MTMR6: variants seen among roughly 807,000 people sequenced by gnomAD.
MTMR6 encodes the protein myotubularin related protein 6.
In MTMR6, 47 loss-of-function variants were observed where a neutral mutation model predicts 80.1. That is an observed-to-expected ratio of 0.59 (90% CI 0.46 to 0.75). The LOEUF (loss-of-function observed/expected upper bound fraction) is 0.75, where lower values mean the gene tolerates loss of function less well. Ranked by LOEUF, MTMR6 falls within the 30% of genes least tolerant of loss-of-function variation. The probability of loss-of-function intolerance (pLI) is 0.00; values close to 1 mark genes in which losing one functional copy is unlikely to be tolerated. For synonymous variants in MTMR6, 254 were observed against 253.0 expected, an observed-to-expected ratio of 1.00 and a Z score of -0.04; for missense variants, 629 against 730.9, an observed-to-expected ratio of 0.86 and a Z score of 1.61.
chr13:25,283,318 C>A (rs1324886536), intron 1 of MTMR6, among the ~76,000 whole-genome samples: 1 of 152,170 alleles, frequency 6.6e-6, no homozygotes, highest in Non-Finnish European at 1.5e-5. Context: ...TTTATTAATT[C>A]TCTCAGGGTT....
rs1957034221 is a variant in MTMR6, at chr13:25,249,130, TAA to T, written c.*100_*101del. On this transcript the variant is annotated 3_prime_UTR_variant, in exon 14 of 14. Coordinates refer to ENST00000381801, the MANE Select transcript of MTMR6 (RefSeq NM_004685.5). The stretch of plus-strand genomic sequence containing the variant: ...CAACTATTAGCCTACTGTTAAACCC[TAA>T]AATTGTTATTAGACAAATTCCTTTT... 2 of 1,341,120 alleles carry T rather than the reference TAA, an allele frequency of 1.5e-6. No individual in the cohort carries two copies. Among genetic ancestry groups the T allele is most frequent in the Admixed American group, 4.5e-5 (2 of 44,598 alleles). The allele number at this position is 1,341,120 out of a possible 1,614,324, so 83.1% of individuals were successfully genotyped here. A position where few individuals can be genotyped will look rare whatever the true frequency, so the allele number is the denominator to read the frequency against.
rs922962176 is a variant in MTMR6, at chr13:25,249,198, G to T, written c.*34C>A. On this transcript the variant is annotated 3_prime_UTR_variant, in exon 14 of 14. Coordinates refer to ENST00000381801, the MANE Select transcript of MTMR6 (RefSeq NM_004685.5). ...CCATCCTCACAATAATCCTTTTCTT[G>T]TACTGCAATCATTGCAGAAAAAACT... The T allele has an allele frequency of 6.2e-7, 1 of 1,600,004 alleles. No homozygotes were observed. Among genetic ancestry groups the T allele is most frequent in the Non-Finnish European group, 8.5e-7 (1 of 1,170,948 alleles).
chr13:25,269,532 G>A (rs926171924), intron 2 of MTMR6, among the ~76,000 whole-genome samples: 1 of 151,880 alleles, frequency 6.6e-6, no homozygotes, highest in African/African-American at 2.4e-5. Flanking sequence ...AAGATCATAG[G>A]CTCCTAATCA....
chr13:25,250,164 T>G (rs1381404407), intron 13 of MTMR6, among the ~76,000 whole-genome samples: 1 of 152,176 alleles, frequency 6.6e-6, no homozygotes, highest in Non-Finnish European at 1.5e-5. Flanking sequence ...GAGAGGTAGA[T>G]GAGACAGTCT....
intron 3 of MTMR6, among the ~76,000 whole-genome samples, chr13:25,266,762 T>C (rs1247311709): frequency 6.6e-6 from 1 of 152,172 alleles, no homozygotes; most frequent in African/African-American, 2.4e-5. Flanking sequence ...TTCAGAATCA[T>C]CCTTACTATA....
chr13:25,257,141 G>T, intron 9 of MTMR6, 55 bp downstream of exon 9: 1 of 1,523,366 alleles, frequency 6.6e-7, no homozygotes, highest in South Asian at 1.2e-5. Flanking sequence ...TCCTCTGGAG[G>T]AACATAAAAT....
At chr13:25,286,905 G>A (rs140564568) in intron 1 of MTMR6, among the ~76,000 whole-genome samples, 1 of 152,290 alleles carries the variant, frequency 6.6e-6, no homozygotes, top group Non-Finnish European at 1.5e-5. Context: ...AGACTCCAAA[G>A]TTAAAGGAGC....
rs779160684 is a variant in MTMR6, at chr13:25,265,908, TC to T, written c.501del (p.Ile168Ter). On this transcript the variant is annotated frameshift_variant, in exon 5 of 14. Coordinates refer to ENST00000381801, the MANE Select transcript of MTMR6 (RefSeq NM_004685.5). LOFTEE classifies it high-confidence loss of function. ...ETYPRELYVPRIASKPIIVGS... is the reference protein window; with the variant it reads ...ETYPRELYVPXIASKPIIVGS... ...CCAACAATTATTGGTTTGCTTGCTA[TC>T]CGGGGAACATAAAGTTCTCTGGGGT... is the stretch of plus-strand genomic sequence containing the variant. The T allele has an allele frequency of 1.2e-5, 19 of 1,614,124 alleles. No individual in the cohort carries two copies. The highest frequency in any genetic ancestry group is 1.5e-5 in the Non-Finnish European group (18 of 1,179,962).
chr13:25,287,068 C>G (rs185594115), intron 1 of MTMR6, among the ~76,000 whole-genome samples, 156 bp downstream of exon 1: 34 of 152,294 alleles, frequency 2.2e-4, no homozygotes, highest in Non-Finnish European at 4.3e-4. Context: ...TAACCCTGCC[C>G]TCCCAGACCA....
intron 1 of MTMR6, among the ~76,000 whole-genome samples, chr13:25,277,448 G>C (rs577083445): frequency 6.6e-6 from 1 of 152,304 alleles, no homozygotes; most frequent in Non-Finnish European, 1.5e-5. Context: ...ATAAATGTTT[G>C]TTGAACTAAG....
In MTMR6 at chr13:25,287,389, C is replaced by G; in HGVS notation, c.-142G>C. The G allele has an allele frequency of 8.7e-7, 1 of 1,148,850 alleles. No homozygotes were observed. The highest frequency in any genetic ancestry group is 1.3e-6 in the Non-Finnish European group (1 of 798,292). 71.2% of individuals were successfully genotyped at this position (1,148,850 alleles called of 1,614,324 possible). A position where few individuals can be genotyped will look rare whatever the true frequency, so the allele number is the denominator to read the frequency against. ...GTCTGTCTGCCGGCCCCGGTGGCGT[C>G]AACGGCGCAGGTGCAGCCGGTGAGC... On this transcript the variant is annotated 5_prime_UTR_variant, in exon 1 of 14. Transcript: ENST00000381801.
intron 9 of MTMR6, among the ~76,000 whole-genome samples, chr13:25,255,693 T>G (rs1957188167): frequency 6.6e-6 from 1 of 152,156 alleles, no homozygotes; most frequent in Non-Finnish European, 1.5e-5. Context: ...CCGGCTAATT[T>G]TTGTATTTTT....
intron 10 of MTMR6, 49 bp downstream of exon 10, chr13:25,254,336 C>G (rs768608680): frequency 7.4e-7 from 1 of 1,348,894 alleles, no homozygotes; most frequent in South Asian, 1.2e-5. Context: ...GCATTCTAAA[C>G]TTGGTTTACT....
rs765129815 is a variant in MTMR6, at chr13:25,265,908, T to C, written c.502A>G (p.Ile168Val). The C allele has an allele frequency of 2.5e-5, 40 of 1,614,006 alleles. No homozygotes were observed. Among genetic ancestry groups the C allele is most frequent in the Non-Finnish European group, 3.0e-5 (35 of 1,179,970 alleles). ...CCAACAATTATTGGTTTGCTTGCTA[T>C]CCGGGGAACATAAAGTTCTCTGGGG... ...TYPRELYVPR[I>V]ASKPIIVGSS... is the part of the protein sequence containing the mutation. The change falls in exon 5 of 14, where the codon ATA (isoleucine) becomes GTA (valine). Residue 168 changes from isoleucine to valine, a missense_variant. Transcript: ENST00000381801.
chr13:25,256,488 T>C (rs958644164), intron 9 of MTMR6, among the ~76,000 whole-genome samples: 19 of 152,248 alleles, frequency 1.2e-4, no homozygotes, highest in African/African-American at 2.4e-5. Flanking sequence ...CTGTATTTAA[T>C]AATTCAAGAC....
intron 5 of MTMR6, among the ~76,000 whole-genome samples, chr13:25,262,606 G>A (rs780001758): frequency 1.3e-4 from 20 of 152,118 alleles, no homozygotes; most frequent in Non-Finnish European, 2.4e-4. Context: ...GGGCTCAAGC[G>A]ATCTGCCCAC....
In MTMR6 at chr13:25,246,732, C is replaced by T. The variant is rs1465738153; in HGVS notation, c.*2500G>A. ...AAAACAGGCTTGACTGACACCACCT[C>T]CCTGCTCTGCTACCCGACCAAATAA... On this transcript the variant is annotated 3_prime_UTR_variant, in exon 14 of 14. Coordinates refer to ENST00000381801, the MANE Select transcript of MTMR6 (RefSeq NM_004685.5). 1 of 152,722 alleles carries T rather than the reference C, an allele frequency of 6.5e-6. No individual in the cohort carries two copies. The highest frequency in any genetic ancestry group is 1.5e-5 in the Non-Finnish European group (1 of 68,050). 9.5% of individuals were successfully genotyped at this position (152,722 alleles called of 1,614,324 possible).
chr13:25,286,472 C>T (rs1409175048), intron 1 of MTMR6, among the ~76,000 whole-genome samples: 3 of 152,212 alleles, frequency 2.0e-5, no homozygotes, highest in African/African-American at 7.2e-5. Context: ...AATTTGGTAA[C>T]ATTCTGATGT....
intron 3 of MTMR6, 32 bp from the exon 4 acceptor site, chr13:25,266,318 C>T: frequency 6.4e-7 from 1 of 1,553,450 alleles, no homozygotes; most frequent in Non-Finnish European, 8.9e-7. Context: ...ATGTTAAGTG[C>T]AATTTATAAG....
Sources: allele counts gnomAD v4.1 joint callset (sites outside exome capture counted in the v4.1 genomes callset), GRCh38; gene constraint gnomAD v4.1.1; transcripts MANE v1.5; gene names NCBI Gene and HGNC (gene_info 2026-07-23, HGNC 2026-07-21).